Variants in PDE1A observed in about 807,000 individuals in gnomAD.
PDE1A encodes the protein phosphodiesterase 1A, also known as dual specificity calcium/calmodulin-dependent 3',5'-cyclic nucleotide phosphodiesterase 1A.
Under a neutral mutation model 61.7 loss-of-function variants are expected in PDE1A, and 35 were observed. That is an observed-to-expected ratio of 0.57 (90% CI 0.43 to 0.75). PDE1A has a LOEUF of 0.75. Among genes scored for constraint, PDE1A ranks in the 30% least tolerant of loss-of-function variants. The pLI is 0.00. For missense variants in PDE1A, 597 were observed against 630.6 expected, an observed-to-expected ratio of 0.95 and a Z score of 0.57; for synonymous variants, 232 against 213.2, an observed-to-expected ratio of 1.09 and a Z score of -0.77.
chr2:182,457,283 A>G (rs898385997), intron 2 of PDE1A, among the ~76,000 whole-genome samples: 1 of 152,004 alleles, frequency 6.6e-6, no homozygotes, highest in Admixed American at 6.6e-5. Context: ...CTCTTATTTT[A>G]TTGACCTTGT....
chr2:182,647,400 A>G, the PDE1A span, among the ~76,000 whole-genome samples: 1 of 152,236 alleles, frequency 6.6e-6, no homozygotes, highest in Admixed American at 6.5e-5. Context: ...ACACCTTCCC[A>G]GAACAACTTA....
rs143599745 is a variant in PDE1A, at chr2:182,310,148, A to G, written c.54-45734T>C. Among the ~76,000 whole-genome samples, 380 of 152,318 alleles carry G rather than the reference A, an allele frequency of 2.5e-3. 1 individual carries two copies. Among genetic ancestry groups the G allele is most frequent in the African/African-American group, 8.5e-3 (354 of 41,570 alleles). On this transcript the variant is annotated intron_variant, in intron 1 of 13. Transcript: ENST00000351439. Reference sequence around the variant, plus strand: ...AATTTCATCTTTGAAATAAGAGTCTATCATTCACTTCAACATTGCACACAT... The same window carrying G: ...AATTTCATCTTTGAAATAAGAGTCTGTCATTCACTTCAACATTGCACACAT...
intron 13 of PDE1A, among the ~76,000 whole-genome samples, chr2:182,148,623 G>A (rs1333990135): frequency 2.0e-5 from 3 of 152,124 alleles, no homozygotes; most frequent in African/African-American, 7.2e-5. Flanking sequence ...CTTTCCAAAT[G>A]TGGGTGGGTA....
At chr2:182,421,905 T>A (rs1337694588) in intron 1 of PDE1A, among the ~76,000 whole-genome samples, 1 of 152,226 alleles carries the variant, frequency 6.6e-6, no homozygotes, top group Admixed American at 6.5e-5. Flanking sequence ...TTTCTTTTTC[T>A]AGGCTTTCCT....
chr2:182,205,915 C>A (rs1245845464), intron 8 of PDE1A, 25 bp downstream of exon 8: 2 of 1,582,738 alleles, frequency 1.3e-6, no homozygotes, highest in South Asian at 2.3e-5. Flanking sequence ...AATTAAATTT[C>A]CTCTAGGTTT....
At chr2:182,464,807 T>A (rs970291749) in intron 2 of PDE1A, among the ~76,000 whole-genome samples, 4 of 152,026 alleles carry the variant, frequency 2.6e-5, no homozygotes, top group African/African-American at 9.7e-5. Flanking sequence ...CTAATAGGAA[T>A]CTTGCTCAAG....
chr2:182,370,334 G>T (rs1263135637), intron 1 of PDE1A, among the ~76,000 whole-genome samples: 1 of 152,170 alleles, frequency 6.6e-6, no homozygotes, highest in Non-Finnish European at 1.5e-5. Context: ...ATGGACTCTA[G>T]TTCCTTGAAA....
chr2:182,193,822 C>T lies in PDE1A; in HGVS notation c.1126-4762G>A, dbSNP rs541881355. 2.6e-5 allele frequency among the ~76,000 whole-genome samples: 4 copies of T among 152,108 alleles called. No individual in the cohort carries two copies. The South Asian group carries it at 8.3e-4, about 32-fold the overall frequency. On this transcript the variant is annotated intron_variant, in intron 10 of 13. Transcript: ENST00000351439. The stretch of plus-strand genomic sequence containing the variant: ...ATGGCTCTTGAAACTAAAAGCTTTA[C>T]TTTTTTACATTTAAAGTTATCTTGG...
the PDE1A span, among the ~76,000 whole-genome samples, chr2:182,529,160 G>A: frequency 7.9e-5 from 12 of 152,208 alleles, no homozygotes; most frequent in African/African-American, 2.4e-5. Flanking sequence ...GACTCTCAAT[G>A]CCAGTGCATG....
the PDE1A span, among the ~76,000 whole-genome samples, chr2:182,622,505 A>G: frequency 1.3e-5 from 2 of 152,218 alleles, no homozygotes; most frequent in East Asian, 3.8e-4. Context: ...AGTCTTTTGT[A>G]AGTGTTGGAA....
In PDE1A at chr2:182,409,048, A is replaced by G. The variant is rs1412018217; in HGVS notation, c.53+17530T>C. ...TTGGGCTCCAGCTTCATTATTGGTC[A>G]CTTCCTGCTCCGAAACTCTCCATTC... On this transcript the variant is annotated intron_variant, in intron 1 of 13. Transcript: ENST00000351439. 2.0e-5 allele frequency among the ~76,000 whole-genome samples: 3 copies of G among 152,108 alleles called. No individual in the cohort carries two copies. In the East Asian group the frequency reaches 5.8e-4, roughly 29 times the overall value.
the PDE1A span, among the ~76,000 whole-genome samples, chr2:182,592,807 G>T: frequency 1.3e-5 from 2 of 152,232 alleles, no homozygotes; most frequent in Non-Finnish European, 2.9e-5. Context: ...AAGGAAAAAG[G>T]GTAGTTGATA....
chr2:182,322,257 A>G (rs571081151), intron 1 of PDE1A, among the ~76,000 whole-genome samples: 2 of 152,342 alleles, frequency 1.3e-5, no homozygotes, highest in South Asian at 4.1e-4. Context: ...GAGACTTCAT[A>G]GATTCCAGAC....
intron 1 of PDE1A, among the ~76,000 whole-genome samples, chr2:182,349,167 G>T (rs1698706399): frequency 6.6e-6 from 1 of 152,152 alleles, no homozygotes; most frequent in South Asian, 2.1e-4. Context: ...GCCAGGAGAA[G>T]TATTTCAATA....
the PDE1A span, among the ~76,000 whole-genome samples, chr2:182,586,251 T>C: frequency 6.6e-6 from 1 of 152,130 alleles, no homozygotes; most frequent in Non-Finnish European, 1.5e-5. Flanking sequence ...GTCAAGGCAA[T>C]GTAAAACAGC....
the PDE1A span, among the ~76,000 whole-genome samples, chr2:182,656,414 T>C: frequency 6.6e-6 from 1 of 152,372 alleles, no homozygotes; most frequent in South Asian, 2.1e-4. Context: ...CATTCTATGA[T>C]AATTTCACTT....
At chr2:182,686,029 G>C in the PDE1A span, among the ~76,000 whole-genome samples, 1 of 152,052 alleles carries the variant, frequency 6.6e-6, no homozygotes, top group East Asian at 1.9e-4. Context: ...AGGCTTAACA[G>C]CCTGCTCTTC....
At chr2:182,415,227 G>T (rs932287083) in intron 1 of PDE1A, among the ~76,000 whole-genome samples, 2 of 151,992 alleles carry the variant, frequency 1.3e-5, no homozygotes, top group Non-Finnish European at 2.9e-5. Flanking sequence ...GCCAACTGTG[G>T]AATATGTTTT....
At chr2:182,714,291 G>A in the PDE1A span, among the ~76,000 whole-genome samples, 1 of 151,984 alleles carries the variant, frequency 6.6e-6, no homozygotes, top group African/African-American at 2.4e-5. Context: ...TTTAATCCTT[G>A]GTCCACAACT....
Sources: gnomAD v4.1 joint callset for allele counts (sites outside exome capture counted in the v4.1 genomes callset) on GRCh38, gnomAD v4.1.1 for gene constraint, MANE v1.5 for transcripts, NCBI Gene and HGNC (gene_info 2026-07-23, HGNC 2026-07-21) for gene names.